LRRTM4: variants seen among roughly 807,000 people sequenced by gnomAD.
LRRTM4 encodes leucine rich repeat transmembrane neuronal 4.
LRRTM4 carries 25 observed loss-of-function variants against 47.6 expected under a neutral mutation model. The observed-to-expected ratio is 0.53, with a 90% CI of 0.38 to 0.73. LRRTM4 has a LOEUF of 0.73. Among genes scored for constraint, LRRTM4 ranks in the 30% least tolerant of loss-of-function variants. LRRTM4 has a pLI of 0.00. For missense variants in LRRTM4, 638 were observed against 713.4 expected, an observed-to-expected ratio of 0.89 and a Z score of 1.20; for synonymous variants, 311 against 269.5, an observed-to-expected ratio of 1.15 and a Z score of -1.51.
At position 77,235,606 on chromosome 2, in the gene LRRTM4, TA is replaced by T. The variant is rs1476925867; in HGVS notation, c.1551+282711del. Among the ~76,000 whole-genome samples the T allele has an allele frequency of 1.3e-4, 20 of 152,258 alleles. No individual in the cohort carries two copies. In the South Asian group the frequency reaches 4.1e-3, roughly 32 times the overall value. The stretch of plus-strand genomic sequence containing the variant: ...GATTTTCCAAGGCTGGTGTCCAGAA[TA>T]ATGTTTCTTGGGTTTTGTTCTGGGA... On this transcript the variant is annotated intron_variant, in intron 3 of 3. Coordinates refer to ENST00000409884, the MANE Select transcript of LRRTM4 (RefSeq NM_001134745.3).
intron 3 of LRRTM4, among the ~76,000 whole-genome samples, chr2:76,836,992 A>G (rs1050174513): frequency 1.3e-5 from 2 of 152,128 alleles, no homozygotes; most frequent in Non-Finnish European, 2.9e-5. Flanking sequence ...AAGTTACTCA[A>G]ATATTAAGTT....
At chr2:77,362,601 C>A (rs978482825) in intron 3 of LRRTM4, among the ~76,000 whole-genome samples, 1 of 152,122 alleles carries the variant, frequency 6.6e-6, no homozygotes, top group African/African-American at 2.4e-5. Context: ...GCCCCATGAA[C>A]AGTAATCTGG....
chr2:77,368,225 A>C (rs1341613303), intron 3 of LRRTM4, among the ~76,000 whole-genome samples: 1 of 151,678 alleles, frequency 6.6e-6, no homozygotes, highest in African/African-American at 2.4e-5. Flanking sequence ...TTTATCAAGG[A>C]ATTTGGAAAA....
chr2:77,170,975 T>C lies in LRRTM4; in HGVS notation c.1551+347343A>G, dbSNP rs938016834. On this transcript the variant is annotated intron_variant, in intron 3 of 3. Transcript: ENST00000409884. The stretch of plus-strand genomic sequence containing the variant: ...TGTATTATATGTACGTATACTAAAG[T>C]ACACATATATATTAGCTTTATATAT... 3.4e-5 allele frequency among the ~76,000 whole-genome samples: 4 copies of C among 118,096 alleles called. 1 individual carries two copies. Among genetic ancestry groups the C allele is most frequent in the Admixed American group, 1.9e-4 (2 of 10,726 alleles). 77.5% of individuals were successfully genotyped at this position (118,096 alleles called of 152,430 possible).
chr2:77,346,710 A>T (rs1671573744), intron 3 of LRRTM4, among the ~76,000 whole-genome samples: 1 of 152,140 alleles, frequency 6.6e-6, no homozygotes, highest in South Asian at 2.1e-4. Flanking sequence ...AACATTGTTT[A>T]ATTCCATGAA....
intron 3 of LRRTM4, among the ~76,000 whole-genome samples, chr2:77,024,988 T>A (rs1472102040): frequency 6.6e-6 from 1 of 152,216 alleles, no homozygotes; most frequent in Admixed American, 6.5e-5. Context: ...AAAAAGAATC[T>A]TGATCTATAT....
At chr2:76,883,294 G>T (rs1030876198) in intron 3 of LRRTM4, among the ~76,000 whole-genome samples, 1 of 152,152 alleles carries the variant, frequency 6.6e-6, no homozygotes, top group Admixed American at 6.5e-5. Context: ...ATGAAAGGCT[G>T]CATCTTATTT....
At position 77,037,880 on chromosome 2, in the gene LRRTM4, A is replaced by G. The variant is rs542833333; in HGVS notation, c.1552-288964T>C. Among the ~76,000 whole-genome samples, 4 of 151,840 alleles carry G rather than the reference A, an allele frequency of 2.6e-5. No homozygotes were observed. In the South Asian group the frequency reaches 8.3e-4, roughly 31 times the overall value. On this transcript the variant is annotated intron_variant, in intron 3 of 3. Transcript: ENST00000409884. ...TATTAATGCACTTGGTAGGAAGTACACATTTATCTCTGGTTTTCTCACTTG... is the reference window on the plus strand; with the variant it reads ...TATTAATGCACTTGGTAGGAAGTACGCATTTATCTCTGGTTTTCTCACTTG...
intron 3 of LRRTM4, among the ~76,000 whole-genome samples, chr2:76,840,175 A>C (rs1671630872): frequency 6.6e-6 from 1 of 152,196 alleles, no homozygotes; most frequent in African/African-American, 2.4e-5. Flanking sequence ...GAGGGGCTTA[A>C]TTTTAAATTT....
At chr2:77,153,622 T>C (rs1454533159) in intron 3 of LRRTM4, among the ~76,000 whole-genome samples, 2 of 152,210 alleles carry the variant, frequency 1.3e-5, no homozygotes, top group African/African-American at 4.8e-5. Flanking sequence ...TGTTTTTATA[T>C]CACTTTTCAG....
chr2:76,766,072 G>C (rs1317862678), intron 3 of LRRTM4, among the ~76,000 whole-genome samples: 4 of 152,174 alleles, frequency 2.6e-5, no homozygotes, highest in African/African-American at 9.7e-5. Context: ...GCTTCCTCCA[G>C]ATACTGGGAT....
chr2:77,290,408 G>C (rs1294056588), intron 3 of LRRTM4, among the ~76,000 whole-genome samples: 2 of 151,916 alleles, frequency 1.3e-5, no homozygotes. Flanking sequence ...GAAGGGTATA[G>C]GGAGGGGAGC....
intron 3 of LRRTM4, among the ~76,000 whole-genome samples, chr2:76,856,220 T>C (rs754321623): frequency 9.9e-5 from 15 of 152,084 alleles, no homozygotes; most frequent in African/African-American, 1.7e-4. Context: ...GAGGTTGCAG[T>C]GAGCCAAGAT....
chr2:76,910,561 T>C (rs1674017703), intron 3 of LRRTM4, among the ~76,000 whole-genome samples: 1 of 152,208 alleles, frequency 6.6e-6, no homozygotes, highest in Non-Finnish European at 1.5e-5. Flanking sequence ...TTGTTTCTCA[T>C]TATGTCAGGG....
intron 3 of LRRTM4, among the ~76,000 whole-genome samples, chr2:76,805,158 TTGGA>T (rs1199482078): frequency 6.6e-6 from 1 of 152,134 alleles, no homozygotes; most frequent in African/African-American, 2.4e-5. Context: ...TGTTTAGAGG[TTGGA>T]TGGTCTATAA....
chr2:77,504,658 A>T (rs1202092137), intron 3 of LRRTM4, among the ~76,000 whole-genome samples: 1 of 151,656 alleles, frequency 6.6e-6, no homozygotes. Context: ...GAAAAATTAC[A>T]TGTAATGATC....
chr2:77,375,481 T>A (rs1261265562), intron 3 of LRRTM4, among the ~76,000 whole-genome samples: 1 of 151,730 alleles, frequency 6.6e-6, no homozygotes, highest in African/African-American at 2.4e-5. Flanking sequence ...TCTTGACAAA[T>A]TTAAGGGAAC....
intron 3 of LRRTM4, among the ~76,000 whole-genome samples, chr2:76,751,861 C>T (rs1377593055): frequency 6.6e-6 from 1 of 152,146 alleles, no homozygotes; most frequent in East Asian, 1.9e-4. Flanking sequence ...AAGAGTAATA[C>T]AGCCCATTCG....
chr2:77,352,113 T>G (rs999888130), intron 3 of LRRTM4, among the ~76,000 whole-genome samples: 1 of 152,170 alleles, frequency 6.6e-6, no homozygotes, highest in Non-Finnish European at 1.5e-5. Context: ...ATTCTATTAT[T>G]ATAGGACAAC....
Sources: allele counts gnomAD v4.1 joint callset (sites outside exome capture counted in the v4.1 genomes callset), GRCh38; gene constraint gnomAD v4.1.1; transcripts MANE v1.5; gene names NCBI Gene and HGNC (gene_info 2026-07-23, HGNC 2026-07-21).